GSK3B: variants seen among roughly 807,000 people sequenced by gnomAD.
GSK3B encodes the protein glycogen synthase kinase-3 beta.
In GSK3B, 15 loss-of-function variants were observed where a neutral mutation model predicts 56.4. That is an observed-to-expected ratio of 0.27 (90% CI 0.18 to 0.41). The LOEUF (loss-of-function observed/expected upper bound fraction) is 0.41. GSK3B is among the 10% of genes least tolerant of loss of function. GSK3B has a pLI of 1.00. For synonymous variants in GSK3B, 181 were observed against 188.9 expected (o/e 0.96, Z 0.34); for missense variants, 300 against 513.4 (o/e 0.58, Z 4.02).
rs1355734845 is a variant in GSK3B, at chr3:119,822,020, C to T, written c.*4768G>A. On this transcript the variant is annotated 3_prime_UTR_variant, in exon 11 of 11. Coordinates refer to ENST00000264235, the MANE Select transcript of GSK3B (RefSeq NM_001146156.2). ...AAATTACAGTACCAGTTAACTATTTCCAAACCAAGTCACATAGAACAAAAT... is the reference window on the plus strand; with the variant it reads ...AAATTACAGTACCAGTTAACTATTTTCAAACCAAGTCACATAGAACAAAAT... 1 of 192,350 alleles carries T rather than the reference C, an allele frequency of 5.2e-6. No homozygotes were observed. The highest frequency in any genetic ancestry group is 1.1e-5 in the Non-Finnish European group (1 of 92,350). The allele number at this position is 192,350 out of a possible 1,614,324, so 11.9% of individuals were successfully genotyped here. A position where few individuals can be genotyped will look rare whatever the true frequency, so the allele number is the denominator to read the frequency against.
At chr3:119,844,859 GA>G (rs909791271) in intron 9 of GSK3B, among the ~76,000 whole-genome samples, 11 of 152,018 alleles carry the variant, frequency 7.2e-5, no homozygotes, top group African/African-American at 2.7e-4. Context: ...ACACAAGAAA[GA>G]AAGAAAATTT....
Position 120,094,164 on chromosome 3 carries a change from G to T in GSK3B, c.-730C>A. On this transcript the variant is annotated 5_prime_UTR_variant, in exon 1 of 11. The change creates a premature stop within an existing upstream ORF in the 5' untranslated region. Coordinates refer to ENST00000264235, the MANE Select transcript of GSK3B (RefSeq NM_001146156.2). ...TTCAGACCCCAGGCAGCGGCTCCTC[G>T]ACTGTTCCCCATTCGCCGGGGACAT... The T allele has an allele frequency of 4.4e-6, 1 of 229,214 alleles. No individual in the cohort carries two copies. Among genetic ancestry groups the T allele is most frequent in the South Asian group, 1.3e-4 (1 of 7,942 alleles). The allele number at this position is 229,214 out of a possible 1,614,324, so 14.2% of individuals were successfully genotyped here.
chr3:120,071,511 C>T (rs188675378), intron 1 of GSK3B, among the ~76,000 whole-genome samples: 61 of 152,294 alleles, frequency 4.0e-4, no homozygotes, highest in Admixed American at 3.9e-3. Context: ...AGATCAGCAG[C>T]AGCATCAGAT....
At chr3:120,035,155 G>A (rs1461752542) in intron 1 of GSK3B, among the ~76,000 whole-genome samples, 1 of 152,060 alleles carries the variant, frequency 6.6e-6, no homozygotes, top group Non-Finnish European at 1.5e-5. Flanking sequence ...TATGACTGGT[G>A]TCCTTACAAA....
intron 1 of GSK3B, among the ~76,000 whole-genome samples, chr3:120,050,634 T>C (rs1365107391): frequency 6.6e-6 from 1 of 151,912 alleles, no homozygotes; most frequent in Non-Finnish European, 1.5e-5. Context: ...TTTACCAAGA[T>C]AGAGAGGAAG....
chr3:119,926,328 C>CCACACACACACACA (rs146771538), intron 3 of GSK3B, among the ~76,000 whole-genome samples: 2 of 146,906 alleles, frequency 1.4e-5, no homozygotes, highest in East Asian at 4.0e-4. Context: ...TCTTACACTT[C>CCACACACACACACA]CACACACACA....
At chr3:119,875,687 A>AT (rs1426394341) in intron 8 of GSK3B, among the ~76,000 whole-genome samples, 1 of 151,614 alleles carries the variant, frequency 6.6e-6, no homozygotes, top group African/African-American at 2.4e-5. Flanking sequence ...GAGAAATTCT[A>AT]TTTTTTTTCT....
At chr3:119,985,772 T>C (rs566305645) in intron 2 of GSK3B, among the ~76,000 whole-genome samples, 5 of 152,330 alleles carry the variant, frequency 3.3e-5, no homozygotes, top group South Asian at 2.1e-4. Flanking sequence ...AAGTAATTTA[T>C]AGATTCAATG....
intron 7 of GSK3B, among the ~76,000 whole-genome samples, chr3:119,896,489 T>C (rs962847082): frequency 6.6e-6 from 1 of 152,134 alleles, no homozygotes; most frequent in African/African-American, 2.4e-5. Context: ...TCACTAACAC[T>C]ATAGTTCTTT....
At chr3:119,839,719 T>A (rs750330629) in intron 10 of GSK3B, among the ~76,000 whole-genome samples, 1 of 152,198 alleles carries the variant, frequency 6.6e-6, no homozygotes, top group South Asian at 2.1e-4. Flanking sequence ...ATTTAAGTAT[T>A]ATTTTGCTTC....
rs80035199 is a variant in GSK3B at position 119,926,560 on chromosome 3, A to G, written c.367-3077T>C. Among the ~76,000 whole-genome samples, 411 of 152,316 alleles carry G rather than the reference A, an allele frequency of 2.7e-3. 5 individuals carry two copies. Among genetic ancestry groups the G allele is most frequent in the African/African-American group, 9.1e-3 (380 of 41,568 alleles). The stretch of plus-strand genomic sequence containing the variant: ...ATTCCTTTCCAGTCTACTATCAACT[A>G]AAATCAAGTCAAGTTAGACTGTATC... On this transcript the variant is annotated intron_variant, in intron 3 of 10. Coordinates refer to ENST00000264235, the MANE Select transcript of GSK3B (RefSeq NM_001146156.2).
In GSK3B at chr3:120,022,216, C is replaced by A. The variant is rs1479964830; in HGVS notation, c.89-19977G>T. Among the ~76,000 whole-genome samples the A allele has an allele frequency of 2.6e-5, 4 of 152,192 alleles. No individual in the cohort carries two copies. In the East Asian group the frequency reaches 7.7e-4, roughly 29 times the overall value. ...TCAGTCAATAGCCATCAACACTGAG[C>A]AGCAAAAAGATGACTATTCGCTGAA... On this transcript the variant is annotated intron_variant, in intron 1 of 10. Coordinates refer to ENST00000264235, the MANE Select transcript of GSK3B (RefSeq NM_001146156.2).
intron 1 of GSK3B, among the ~76,000 whole-genome samples, chr3:120,053,267 G>A (rs958202438): frequency 6.6e-6 from 1 of 152,200 alleles, no homozygotes; most frequent in African/African-American, 2.4e-5. Context: ...AATCTGGGAG[G>A]CGGAAGTTGT....
intron 2 of GSK3B, among the ~76,000 whole-genome samples, chr3:119,955,486 G>A (rs999721614): frequency 6.6e-6 from 1 of 152,130 alleles, no homozygotes; most frequent in Non-Finnish European, 1.5e-5. Flanking sequence ...TGATTAAGTT[G>A]AGCTCATTTA....
intron 5 of GSK3B, among the ~76,000 whole-genome samples, chr3:119,914,195 C>T (rs1352618823): frequency 6.6e-6 from 1 of 151,716 alleles, no homozygotes; most frequent in African/African-American, 2.4e-5. Context: ...CTTTTTGGCC[C>T]CTTTTCATCT....
intron 1 of GSK3B, among the ~76,000 whole-genome samples, chr3:120,057,414 G>C (rs2058200165): frequency 6.6e-6 from 1 of 152,038 alleles, no homozygotes; most frequent in Non-Finnish European, 1.5e-5. Context: ...ATCCTAATCA[G>C]ATAAGAACAT....
Position 119,930,323 on chromosome 3 carries a change from G to A in GSK3B, c.367-6840C>T, listed in dbSNP as rs550123607. On this transcript the variant is annotated intron_variant, in intron 3 of 10. Transcript: ENST00000264235. Reference sequence around the variant, plus strand: ...ACAGCTAAGCAACATATGTAAAAGTGTGAAGCCAAATTGTGTAACGCAATA... The same window carrying A: ...ACAGCTAAGCAACATATGTAAAAGTATGAAGCCAAATTGTGTAACGCAATA... 7.9e-5 allele frequency among the ~76,000 whole-genome samples: 12 copies of A among 152,148 alleles called. No homozygotes were observed. In the East Asian group the frequency reaches 1.5e-3, roughly 20 times the overall value.
chr3:119,941,733 G>A (rs1009154827), intron 3 of GSK3B, among the ~76,000 whole-genome samples: 2 of 152,102 alleles, frequency 1.3e-5, no homozygotes, highest in African/African-American at 4.8e-5. Flanking sequence ...TATATGCCAG[G>A]TACTATAATG....
Position 119,826,752 on chromosome 3 carries a change from G to C in GSK3B, c.*36C>G. ...TTGCTGAGTGACACTCAAGTAACTG[G>C]TGGTTTTTCCTGTGCAGCTGGCTGC... On this transcript the variant is annotated 3_prime_UTR_variant, in exon 11 of 11. Transcript: ENST00000264235. 1.4e-6 allele frequency: 2 copies of C among 1,387,100 alleles called. No homozygotes were observed. Among genetic ancestry groups the C allele is most frequent in the Non-Finnish European group, 1.0e-6 (1 of 972,462 alleles). 85.9% of individuals were successfully genotyped at this position (1,387,100 alleles called of 1,614,324 possible). A position where few individuals can be genotyped will look rare whatever the true frequency, so the allele number is the denominator to read the frequency against.
Sources: allele counts gnomAD v4.1 joint callset (sites outside exome capture counted in the v4.1 genomes callset), GRCh38; gene constraint gnomAD v4.1.1; transcripts MANE v1.5; gene names NCBI Gene and HGNC (gene_info 2026-07-23, HGNC 2026-07-21).